The following ATP2C2 variants were observed in gnomAD, a reference collection of about 807,000 sequenced individuals.
The protein encoded by ATP2C2 is ATPase secretory pathway Ca2+ transporting 2.
In ATP2C2, 171 loss-of-function variants were observed where a neutral mutation model predicts 110.8. The observed-to-expected ratio is 1.54, with a 90% CI of 1.36 to 1.75. The LOEUF is 1.75. ATP2C2 is among the 40% of genes most tolerant of loss of function. ATP2C2 has a pLI of 0.00. For synonymous variants in ATP2C2, 804 were observed against 508.4 expected (o/e 1.58, Z -7.82); for missense variants, 1,963 against 1,235.0 (o/e 1.59, Z -8.84).
chr16:84,439,188 G>T lies in ATP2C2; in HGVS notation c.1009G>T (p.Glu337Ter), dbSNP rs762429097. 4 of 1,612,246 alleles carry T rather than the reference G, an allele frequency of 2.5e-6. No homozygotes were observed. The East Asian group carries it at 8.9e-5, about 36-fold the overall frequency. ...GVSLAVAAIP[E>*]GLPIVVMVTL... ...CAGCCTGGCTGTGGCGGCCATTCCA[G>T]AGGGTCTGCCCATCGTCGTCATGGT... The change falls in exon 12 of 27, where the codon GAG becomes TAG. Residue 337 changes from glutamate (E) to a stop codon, truncating the protein, a stop_gained. Transcript: ENST00000262429. LOFTEE classifies it high-confidence loss of function.
chr16:84,389,728 T>TTC (rs1356550393), intron 1 of ATP2C2, among the ~76,000 whole-genome samples: 1 of 149,918 alleles, frequency 6.7e-6, no homozygotes, highest in East Asian at 2.0e-4. Flanking sequence ...TCCTTTTTTT[T>TTC]TTTTTTTTTT....
At chr16:84,408,517 G>T (rs1321096000) in intron 4 of ATP2C2, 23 bp downstream of exon 4, 2 of 1,600,826 alleles carry the variant, frequency 1.2e-6, no homozygotes, top group East Asian at 2.2e-5. Flanking sequence ...ACAGCGCTCG[G>T]CTCCCGGGCG....
chr16:84,401,256 C>G (rs1242081028), intron 2 of ATP2C2, among the ~76,000 whole-genome samples: 1 of 139,146 alleles, frequency 7.2e-6, no homozygotes, highest in African/African-American at 2.7e-5. Context: ...CAGGGTCTCA[C>G]TCTGTTGCCC....
At chr16:84,382,216 A>G (rs1910617403) in intron 1 of ATP2C2, among the ~76,000 whole-genome samples, 1 of 151,994 alleles carries the variant, frequency 6.6e-6, no homozygotes, top group Non-Finnish European at 1.5e-5. Context: ...ACTCCCACTT[A>G]TGAGTGAGAA....
chr16:84,436,979 G>A (rs1461046621), intron 11 of ATP2C2, among the ~76,000 whole-genome samples: 1 of 151,728 alleles, frequency 6.6e-6, no homozygotes, highest in African/African-American at 2.4e-5. Context: ...CCAGGCTGGT[G>A]TCGAACTCCC....
chr16:84,406,728 T>A, intron 3 of ATP2C2: 1 of 874,866 alleles, frequency 1.1e-6, no homozygotes, highest in Non-Finnish European at 1.4e-6. Flanking sequence ...CTCCCGGAAG[T>A]TGGGGTTCAG....
In ATP2C2 at chr16:84,459,303, C is replaced by T. The variant is rs1247909506; in HGVS notation, c.2250C>T (p.Ser750=). 8.7e-6 allele frequency: 14 copies of T among 1,614,220 alleles called. No individual in the cohort carries two copies. Among genetic ancestry groups the T allele is most frequent in the African/African-American group, 5.3e-5 (4 of 75,054 alleles). Reference sequence around the variant, plus strand: ...CCGCCCTGAGTCTCATCACTCTGTCCACCGTGTTCAACCTGCCCAGCCCCC... The same window carrying T: ...CCGCCCTGAGTCTCATCACTCTGTCTACCGTGTTCAACCTGCCCAGCCCCC... ...SISALSLITL[S]TVFNLPSPLN... The change falls in exon 23 of 27, where the codon TCC becomes TCT. Residue 750 remains serine (S), a synonymous_variant. Transcript: ENST00000262429.
intron 7 of ATP2C2, among the ~76,000 whole-genome samples, chr16:84,417,073 T>C (rs1564213): frequency 0.17 from 26,340 of 152,190 alleles, 2,541 homozygotes; most frequent in African/African-American, 0.25. Flanking sequence ...CCTGGGACCA[T>C]CATTCAAAGC....
chr16:84,459,434 G>A, intron 23 of ATP2C2, 48 bp downstream of exon 23: 1 of 1,605,826 alleles, frequency 6.2e-7, no homozygotes, highest in Non-Finnish European at 8.5e-7. Flanking sequence ...CCCACCTGCG[G>A]GGCTTCCTCC....
Position 84,425,689 on chromosome 16 carries a change from G to A in ATP2C2, c.920-46G>A, listed in dbSNP as rs374869887. 3.1e-5 allele frequency: 49 copies of A among 1,586,652 alleles called. No individual in the cohort carries two copies. The East Asian group carries it at 9.6e-4, about 31-fold the overall frequency. ...AGTTTGAATCCCTCCAGGCATCAGCGTGTGTAGTGCATATGGAGATAAGGA... is the reference window on the plus strand; with the variant it reads ...AGTTTGAATCCCTCCAGGCATCAGCATGTGTAGTGCATATGGAGATAAGGA... On this transcript the variant is annotated intron_variant, in intron 10 of 26. Coordinates refer to ENST00000262429, the MANE Select transcript of ATP2C2 (RefSeq NM_014861.4).
intron 1 of ATP2C2, among the ~76,000 whole-genome samples, chr16:84,383,397 G>C (rs16963551): frequency 0.082 from 12,462 of 152,298 alleles, 620 homozygotes; most frequent in Middle Eastern, 0.12. Flanking sequence ...AACTTTTGGT[G>C]AGATAGAGGA....
At chr16:84,418,640 C>T (rs1907047728) in intron 7 of ATP2C2, among the ~76,000 whole-genome samples, 1 of 152,196 alleles carries the variant, frequency 6.6e-6, no homozygotes, top group Admixed American at 6.5e-5. Flanking sequence ...TGGCCCTGCG[C>T]AGTCACACGG....
intron 2 of ATP2C2, among the ~76,000 whole-genome samples, chr16:84,401,583 G>C (rs1407738007): frequency 8.5e-5 from 13 of 152,136 alleles, no homozygotes. Flanking sequence ...TTATTAAAGA[G>C]ATTGCCCTTT....
chr16:84,451,387 T>G (rs1910247574), intron 17 of ATP2C2, among the ~76,000 whole-genome samples: 2 of 152,232 alleles, frequency 1.3e-5, no homozygotes, highest in Non-Finnish European at 2.9e-5. Flanking sequence ...GCAGTGGTAT[T>G]TTCTGCTATG....
At chr16:84,451,220 C>A (rs3785068) in intron 17 of ATP2C2, among the ~76,000 whole-genome samples, 8 of 152,044 alleles carry the variant, frequency 5.3e-5, no homozygotes, top group South Asian at 2.1e-4. Flanking sequence ...ATCAGCTCTC[C>A]TGAGATGTAT....
In ATP2C2 at chr16:84,459,117, C is replaced by G. The variant is rs779928270; in HGVS notation, c.2148-3C>G. 4.3e-6 allele frequency: 7 copies of G among 1,613,990 alleles called. No individual in the cohort carries two copies. Among genetic ancestry groups the G allele is most frequent in the Admixed American group, 3.3e-5 (2 of 60,008 alleles). On this transcript the variant is annotated splice_polypyrimidine_tract_variant and splice_region_variant and intron_variant, in intron 21 of 26. Transcript: ENST00000262429. The stretch of plus-strand genomic sequence containing the variant: ...GTGAGTAAATGGCTCTCTTCTCTTG[C>G]AGGAATGCAGTGGAGGAAGGCAAGG...
intron 1 of ATP2C2, among the ~76,000 whole-genome samples, chr16:84,374,252 C>T (rs955069496): frequency 2.6e-5 from 4 of 152,126 alleles, no homozygotes; most frequent in Non-Finnish European, 4.4e-5. Context: ...CACAATTGTG[C>T]GCTGTGTGAT....
chr16:84,437,995 G>A lies in ATP2C2; in HGVS notation c.987-1171G>A, dbSNP rs141585412. Among the ~76,000 whole-genome samples, 57 of 152,272 alleles carry A rather than the reference G, an allele frequency of 3.7e-4. No homozygotes were observed. In the East Asian group the frequency reaches 0.01, roughly 28 times the overall value. On this transcript the variant is annotated intron_variant, in intron 11 of 26. Transcript: ENST00000262429. ...GTGCTCTGAGTGGCCTTCTATGTCT[G>A]GCTTCTTCCACTCAGCAGCATGTTT...
At chr16:84,446,198 C>A (rs762577825) in intron 15 of ATP2C2, 131 bp from the exon 16 acceptor site, 8 of 406,202 alleles carry the variant, frequency 2.0e-5, no homozygotes, top group Non-Finnish European at 3.3e-5. Flanking sequence ...GGCCTTTTTT[C>A]TATGTGCTAA....
Sources: allele counts gnomAD v4.1 joint callset (sites outside exome capture counted in the v4.1 genomes callset), GRCh38; gene constraint gnomAD v4.1.1; transcripts MANE v1.5; gene names NCBI Gene and HGNC (gene_info 2026-07-23, HGNC 2026-07-21).